PON1: variants seen among roughly 807,000 people sequenced by gnomAD.
The protein encoded by PON1 is paraoxonase 1.
A neutral mutation model predicts 39.2 loss-of-function variants in PON1; 37 were observed. That is an observed-to-expected ratio of 0.94 (90% confidence interval 0.73 to 1.24). PON1 has a LOEUF of 1.24. Ranked by LOEUF, PON1 falls within the 50% of genes most tolerant of loss-of-function variation. PON1 has a pLI of 0.00. For synonymous variants in PON1, 148 were observed against 152.2 expected, an observed-to-expected ratio of 0.97 and a Z score of 0.21; for missense variants, 397 against 413.5, an observed-to-expected ratio of 0.96 and a Z score of 0.35.
At chr7:95,323,871 C>T (rs1477659526) in intron 1 of PON1, among the ~76,000 whole-genome samples, 1 of 152,220 alleles carries the variant, frequency 6.6e-6, no homozygotes, top group Non-Finnish European at 1.5e-5. Flanking sequence ...TCTTCCCCGC[C>T]TGCCCCCACT....
At chr7:95,316,902 T>A in intron 2 of PON1, 113 bp from the exon 3 acceptor site, 1 of 799,950 alleles carries the variant, frequency 1.3e-6, no homozygotes. Flanking sequence ...TCTTCTTTAA[T>A]AGGTTCAGAA....
At chr7:95,309,970 C>T (rs184217526) in intron 5 of PON1, among the ~76,000 whole-genome samples, 4 of 152,310 alleles carry the variant, frequency 2.6e-5, no homozygotes, top group Admixed American at 2.0e-4. Context: ...CTGCCTAAGA[C>T]CAATATTTTT....
At position 95,318,373 on chromosome 7, in the gene PON1, C is replaced by T. The variant is rs913577189; in HGVS notation, c.95G>A (p.Arg32Gln). ...SSYQTRLNAL[R>Q]EVQPVELPNC... ...AGGAAGTTCTACGGGTTGTACCTCT[C>T]GGAGAGCATTAAGTCGTGTTCTGTG... The change falls in exon 2 of 9, where the codon CGA becomes CAA. Residue 32 changes from arginine to glutamine, a missense_variant. Transcript: ENST00000222381. 18 of 1,609,124 alleles carry T rather than the reference C, an allele frequency of 1.1e-5. No homozygotes were observed. The highest frequency in any genetic ancestry group is 6.7e-5 in the African/African-American group (5 of 74,764).
intron 8 of PON1, among the ~76,000 whole-genome samples, chr7:95,300,124 T>C: frequency 6.6e-6 from 1 of 152,176 alleles, no homozygotes; most frequent in East Asian, 1.9e-4. Context: ...ATTGTATCAA[T>C]AATAACAGTG....
At chr7:95,302,149 TGAAAAA>T (rs1270796810) in intron 8 of PON1, 50 bp downstream of exon 8, 132 of 1,101,332 alleles carry the variant, frequency 1.2e-4, no homozygotes, top group Non-Finnish European at 1.7e-4. Context: ...TGTTGTCAAC[TGAAAAA>T]ACAGTAGCTG....
rs3917522 is a variant in PON1 at position 95,311,903 on chromosome 7, C to T, written c.371-326G>A. Among the ~76,000 whole-genome samples, 140 of 152,222 alleles carry T rather than the reference C, an allele frequency of 9.2e-4. 1 individual carries two copies. Among genetic ancestry groups the T allele is most frequent in the Non-Finnish European group, 1.5e-3 (103 of 68,016 alleles). Reference sequence around the variant, plus strand: ...ATGGTCTCCACGAAATGCACAGTTGCGATGAAAGGGATAAAAACCATGGGA... The same window carrying T: ...ATGGTCTCCACGAAATGCACAGTTGTGATGAAAGGGATAAAAACCATGGGA... On this transcript the variant is annotated intron_variant, in intron 4 of 8. Coordinates refer to ENST00000222381, the MANE Select transcript of PON1 (RefSeq NM_000446.7).
intron 7 of PON1, 45 bp from the exon 8 acceptor site, chr7:95,302,378 C>T: frequency 6.4e-7 from 1 of 1,568,596 alleles, no homozygotes; most frequent in Non-Finnish European, 8.7e-7. Context: ...TAAAGTAAAA[C>T]ACAATTGTGA....
intron 1 of PON1, among the ~76,000 whole-genome samples, chr7:95,322,462 A>C (rs1490108176): frequency 1.3e-5 from 2 of 152,072 alleles, no homozygotes; most frequent in African/African-American, 4.8e-5. Flanking sequence ...AAAGTTGCAG[A>C]AATGATATCT....
Position 95,313,379 on chromosome 7 carries a change from C to A in PON1, c.371-1802G>T, listed in dbSNP as rs113161021. On this transcript the variant is annotated intron_variant, in intron 4 of 8. Transcript: ENST00000222381. ...ACAGTGCTCCCACACAACTGAATCC[C>A]GAACTGCCTTGGCAAAGCAACTGCA... 3.1e-4 allele frequency among the ~76,000 whole-genome samples: 47 copies of A among 152,240 alleles called. No individual in the cohort carries two copies. The East Asian group carries it at 7.7e-3, about 25-fold the overall frequency.
chr7:95,315,264 T>G (rs1356068318), intron 4 of PON1, 58 bp downstream of exon 4: 2 of 1,418,690 alleles, frequency 1.4e-6, no homozygotes, highest in African/African-American at 1.4e-5. Flanking sequence ...TATTGGCATG[T>G]TTTTCTGTTT....
chr7:95,302,162 G>C, intron 8 of PON1, 43 bp downstream of exon 8: 1 of 1,426,470 alleles, frequency 7.0e-7, no homozygotes, highest in Non-Finnish European at 9.6e-7. Flanking sequence ...AAAAACAGTA[G>C]CTGGGAATAA....
At chr7:95,300,065 A>G (rs1199916907) in intron 8 of PON1, among the ~76,000 whole-genome samples, 2 of 152,190 alleles carry the variant, frequency 1.3e-5, no homozygotes, top group East Asian at 1.9e-4. Context: ...CTCTAAATGT[A>G]TAAGATTTTG....
chr7:95,324,375 T>C, intron 1 of PON1, 27 bp downstream of exon 1: 1 of 1,610,416 alleles, frequency 6.2e-7, no homozygotes, highest in Non-Finnish European at 8.5e-7. Flanking sequence ...GGACGAAGGC[T>C]GCAGCCCTCA....
At chr7:95,318,573 C>T (rs983166829) in intron 1 of PON1, 180 bp from the exon 2 acceptor site, 1 of 582,360 alleles carries the variant, frequency 1.7e-6, no homozygotes, top group Non-Finnish European at 3.1e-6. Context: ...ACTCTGGGTA[C>T]AATATTTAGT....
rs752564290 is a variant in PON1, at chr7:95,311,595, A to G, written c.371-18T>C. The G allele has an allele frequency of 1.2e-6, 2 of 1,613,864 alleles. No homozygotes were observed. Among genetic ancestry groups the G allele is most frequent in the Non-Finnish European group, 1.7e-6 (2 of 1,179,910 alleles). On this transcript the variant is annotated intron_variant, in intron 4 of 8. Transcript: ENST00000222381. The stretch of plus-strand genomic sequence containing the variant: ...GGCATTATCTGAGAGGAGATTAAAA[A>G]CAAAAATGAAACATTAACTAAGCTC...
chr7:95,322,560 G>A (rs1256628798), intron 1 of PON1, among the ~76,000 whole-genome samples: 2 of 152,144 alleles, frequency 1.3e-5, no homozygotes, highest in African/African-American at 4.8e-5. Flanking sequence ...AATGCATCGA[G>A]AGGCCCAACG....
At chr7:95,318,759 C>A (rs1807828442) in intron 1 of PON1, among the ~76,000 whole-genome samples, 1 of 152,188 alleles carries the variant, frequency 6.6e-6, no homozygotes, top group Non-Finnish European at 1.5e-5. Flanking sequence ...TTTAGAGTTG[C>A]TGACAGATGG....
chr7:95,306,504 T>A (rs964245745), intron 6 of PON1, 138 bp from the exon 7 acceptor site: 2 of 706,444 alleles, frequency 2.8e-6, no homozygotes, highest in African/African-American at 3.5e-5. Flanking sequence ...ACACACCAAA[T>A]TCTGAAAGAA....
Position 95,302,340 on chromosome 7 carries a change from A to T in PON1, c.781-7T>A, listed in dbSNP as rs753949449. 3 of 1,603,346 alleles carry T rather than the reference A, an allele frequency of 1.9e-6. 1 individual carries two copies. In the East Asian group the frequency reaches 6.7e-5, roughly 36 times the overall value. ...GGGTATTAAAGTCAAGGGACTTAAA[A>T]GATTAAAAACAAGAAAAGAACAAGA... On this transcript the variant is annotated splice_region_variant and splice_polypyrimidine_tract_variant and intron_variant, in intron 7 of 8. Transcript: ENST00000222381.
Sources: gnomAD v4.1 joint callset for allele counts (sites outside exome capture counted in the v4.1 genomes callset) on GRCh38, gnomAD v4.1.1 for gene constraint, MANE v1.5 for transcripts, NCBI Gene and HGNC (gene_info 2026-07-23, HGNC 2026-07-21) for gene names.